The following MARCHF1 variants were observed in gnomAD, a reference collection of about 807,000 sequenced individuals.
MARCHF1 encodes membrane associated ring-CH-type finger 1.
Under a neutral mutation model 54.2 loss-of-function variants are expected in MARCHF1, and 40 were observed. The ratio of observed to expected loss-of-function variants is 0.74; its 90% confidence interval spans 0.57 to 0.96. MARCHF1 has a LOEUF of 0.96. Among genes scored for constraint, MARCHF1 ranks in the 40% least tolerant of loss-of-function variants. MARCHF1 has a pLI of 0.00. For synonymous variants in MARCHF1, 236 were observed against 236.3 expected (o/e 1.00, Z 0.01); for missense variants, 586 against 656.5 (o/e 0.89, Z 1.17).
intron 3 of MARCHF1, among the ~76,000 whole-genome samples, chr4:163,901,418 C>A (rs1750938218): frequency 4.6e-5 from 7 of 152,162 alleles, no homozygotes; most frequent in Admixed American, 4.6e-4. Context: ...CAGTTGTCTT[C>A]ATTAACACTT....
At chr4:164,077,589 A>G (rs1755006774) in intron 2 of MARCHF1, among the ~76,000 whole-genome samples, 1 of 152,240 alleles carries the variant, frequency 6.6e-6, no homozygotes, top group Admixed American at 6.5e-5. Context: ...CAGAGTGAAC[A>G]GGCAACCTAC....
chr4:164,270,600 T>C (rs565141854), intron 1 of MARCHF1, among the ~76,000 whole-genome samples: 3 of 152,332 alleles, frequency 2.0e-5, no homozygotes, highest in East Asian at 1.9e-4. Flanking sequence ...CTTGTTTCAA[T>C]AGTTAGAGCA....
chr4:163,737,944 A>G (rs1746093464), intron 4 of MARCHF1, among the ~76,000 whole-genome samples: 1 of 76,428 alleles, frequency 1.3e-5, no homozygotes, highest in Non-Finnish European at 4.6e-5. Flanking sequence ...ATGCTGCTCT[A>G]AAGACACATG....
At chr4:163,599,788 C>T (rs115352678) in intron 7 of MARCHF1, among the ~76,000 whole-genome samples, 4,110 of 152,198 alleles carry the variant, frequency 0.027, 176 homozygotes, top group African/African-American at 0.089. Flanking sequence ...TAAAAACTTC[C>T]GAGGTGATTT....
intron 4 of MARCHF1, among the ~76,000 whole-genome samples, chr4:163,803,751 A>G (rs1446505612): frequency 1.3e-5 from 2 of 152,334 alleles, no homozygotes; most frequent in Non-Finnish European, 2.9e-5. Flanking sequence ...GAGAGGAAAA[A>G]AAAAAGGAAA....
chr4:163,849,145 T>G (rs937402929), intron 4 of MARCHF1, among the ~76,000 whole-genome samples: 14 of 152,208 alleles, frequency 9.2e-5, no homozygotes, highest in Non-Finnish European at 2.9e-5. Flanking sequence ...AGAGTGGCCC[T>G]CTAGATTGAG....
intron 1 of MARCHF1, among the ~76,000 whole-genome samples, chr4:164,349,352 TCTCATCTCCAACAG>T (rs1730210453): frequency 1.3e-5 from 2 of 152,192 alleles, no homozygotes; most frequent in South Asian, 4.1e-4. Context: ...TTTTTATTCC[TCTCATCTCCAACAG>T]TATTGTTAAA....
At chr4:163,851,904 C>T (rs1749651523) in intron 4 of MARCHF1, among the ~76,000 whole-genome samples, 1 of 152,132 alleles carries the variant, frequency 6.6e-6, no homozygotes, top group South Asian at 2.1e-4. Context: ...CAGTGAACCT[C>T]CAAGGAGAGC....
chr4:164,062,429 T>C (rs1754638652), intron 2 of MARCHF1, among the ~76,000 whole-genome samples: 1 of 152,064 alleles, frequency 6.6e-6, no homozygotes, highest in Non-Finnish European at 1.5e-5. Context: ...GGTGACTGCT[T>C]TCCAGAAGGT....
chr4:164,086,000 A>G (rs914628771), intron 2 of MARCHF1, among the ~76,000 whole-genome samples: 2 of 151,810 alleles, frequency 1.3e-5, no homozygotes, highest in African/African-American at 4.8e-5. Flanking sequence ...ACTTTGGTTA[A>G]TAACATAACT....
At chr4:163,772,351 GC>G (rs1747186174) in intron 4 of MARCHF1, among the ~76,000 whole-genome samples, 1 of 152,154 alleles carries the variant, frequency 6.6e-6, no homozygotes, top group African/African-American at 2.4e-5. Context: ...GTAATAAATT[GC>G]CACAAACTGA....
intron 3 of MARCHF1, among the ~76,000 whole-genome samples, chr4:163,958,638 T>C (rs575912936): frequency 6.6e-6 from 1 of 152,118 alleles, no homozygotes; most frequent in Non-Finnish European, 1.5e-5. Flanking sequence ...TTTGAACAAT[T>C]TGAAGAATAT....
intron 1 of MARCHF1, among the ~76,000 whole-genome samples, chr4:164,345,748 A>C (rs189685572): frequency 4.3e-4 from 65 of 152,074 alleles, no homozygotes; most frequent in Admixed American, 1.3e-3. Context: ...TGGCTTCCCT[A>C]CTAGATATTG....
At chr4:164,285,691 G>A (rs1057008403) in intron 1 of MARCHF1, among the ~76,000 whole-genome samples, 1 of 151,376 alleles carries the variant, frequency 6.6e-6, no homozygotes, top group South Asian at 2.1e-4. Flanking sequence ...ATCCACCAGC[G>A]ACCTCGTAAT....
At chr4:163,681,256 A>C (rs1237937974) in intron 5 of MARCHF1, among the ~76,000 whole-genome samples, 1 of 152,134 alleles carries the variant, frequency 6.6e-6, no homozygotes, top group Non-Finnish European at 1.5e-5. Context: ...TATATAAAGA[A>C]AGAAAGATTG....
intron 4 of MARCHF1, among the ~76,000 whole-genome samples, chr4:163,780,460 C>T (rs2110901584): frequency 6.6e-6 from 1 of 152,134 alleles, no homozygotes; most frequent in African/African-American, 2.4e-5. Flanking sequence ...TTGTTCATTG[C>T]TACCCATATT....
chr4:163,855,596 T>C (rs1161141535), intron 3 of MARCHF1, among the ~76,000 whole-genome samples: 2 of 152,314 alleles, frequency 1.3e-5, no homozygotes, highest in Admixed American at 6.5e-5. Context: ...TGATACATAA[T>C]GACCAAAACA....
intron 9 of MARCHF1, among the ~76,000 whole-genome samples, chr4:163,533,613 C>G (rs1053905540): frequency 2.7e-5 from 4 of 150,576 alleles, no homozygotes; most frequent in African/African-American, 9.8e-5. Flanking sequence ...TGTGGGAACT[C>G]TCTCTTTACC....
chr4:164,205,639 T>C (rs1731585885), intron 1 of MARCHF1, among the ~76,000 whole-genome samples: 1 of 152,214 alleles, frequency 6.6e-6, no homozygotes, highest in East Asian at 1.9e-4. Context: ...GTAATTTCTG[T>C]TTGTTTTCTT....
Sources: gnomAD v4.1 joint callset for allele counts (sites outside exome capture counted in the v4.1 genomes callset) on GRCh38, gnomAD v4.1.1 for gene constraint, MANE v1.5 for transcripts, NCBI Gene and HGNC (gene_info 2026-07-23, HGNC 2026-07-21) for gene names.